Variants in RREB1 observed in about 807,000 individuals in gnomAD.
RREB1 encodes ras-responsive element-binding protein 1.
In RREB1, 27 loss-of-function variants were observed where a neutral mutation model predicts 117.8. The ratio of observed to expected loss-of-function variants is 0.23; its 90% confidence interval spans 0.17 to 0.32. The LOEUF (loss-of-function observed/expected upper bound fraction) is 0.32, where lower values mean the gene tolerates loss of function less well. Among genes scored for constraint, RREB1 ranks in the 10% least tolerant of loss-of-function variants. The pLI, the probability that RREB1 is intolerant of heterozygous loss-of-function variation, is 1.00. For missense variants in RREB1, 2,577 were observed against 2,378.2 expected (o/e 1.08, Z -1.74); for synonymous variants, 1,298 against 1,026.7 (o/e 1.26, Z -5.05).
Position 7,230,380 on chromosome 6 carries a change from G to A in RREB1, c.2281G>A (p.Asp761Asn). Residue 761 changes from aspartate (D) to asparagine (N), a missense_variant, in exon 10 of 13, where the codon GAC becomes AAC. By Grantham distance (23) the Asp-to-Asn change is conservative. Transcript: ENST00000379938. The stretch of plus-strand genomic sequence containing the variant: ...CACCGTGTGCCGGCTGTGCGGCGAG[G>A]ACCTCAAGCACTATCGTGCCCTGCG... Reference protein sequence around the residue: ...PDTVCRLCGEDLKHYRALRIH... With the variant: ...PDTVCRLCGENLKHYRALRIH... The A allele has an allele frequency of 6.3e-7, 1 of 1,592,528 alleles. No homozygotes were observed. The highest frequency in any genetic ancestry group is 8.5e-7 in the Non-Finnish European group (1 of 1,174,264).
intron 1 of RREB1, among the ~76,000 whole-genome samples, chr6:7,118,982 G>T (rs1761542401): frequency 6.6e-6 from 1 of 151,604 alleles, no homozygotes; most frequent in Non-Finnish European, 1.5e-5. Flanking sequence ...AACATTTACA[G>T]ATTTTTATTG....
At chr6:7,238,096 G>A (rs1768457333) in intron 10 of RREB1, among the ~76,000 whole-genome samples, 1 of 151,988 alleles carries the variant, frequency 6.6e-6, no homozygotes, top group African/African-American at 2.4e-5. Context: ...TTTCCTCTTG[G>A]CCCAGTTCTT....
At chr6:7,217,870 A>G (rs1766999333) in intron 8 of RREB1, 1 of 152,320 alleles carries the variant, frequency 6.6e-6, no homozygotes, top group South Asian at 2.1e-4. Context: ...AAAGGAGTCA[A>G]CTTCCAGGTG....
intron 1 of RREB1, among the ~76,000 whole-genome samples, chr6:7,169,362 TTA>T (rs1273071045): frequency 1.3e-5 from 2 of 152,216 alleles, no homozygotes; most frequent in African/African-American, 4.8e-5. Context: ...TGCTTCCTTA[TTA>T]GAGCATAGTC....
chr6:7,181,674 C>T (rs1353934495), intron 3 of RREB1, 196 bp from the exon 4 acceptor site: 4 of 610,822 alleles, frequency 6.5e-6, no homozygotes, highest in East Asian at 2.7e-5. Context: ...AAGGTTACTT[C>T]GTCCTTGGTA....
intron 1 of RREB1, among the ~76,000 whole-genome samples, chr6:7,147,524 C>T (rs1413880544): frequency 1.3e-5 from 2 of 152,128 alleles, no homozygotes; most frequent in Admixed American, 1.3e-4. Context: ...ACAAGATGAG[C>T]CCTTTCTTTG....
chr6:7,176,964 T>C (rs566409019), intron 2 of RREB1, among the ~76,000 whole-genome samples, 191 bp downstream of exon 2: 59 of 151,966 alleles, frequency 3.9e-4, no homozygotes, highest in African/African-American at 1.3e-3. Context: ...CACCTATAAT[T>C]CCAGCACTTT....
Position 7,240,574 on chromosome 6 carries a change from G to C in RREB1, c.3945G>C (p.Glu1315Asp), listed in dbSNP as rs1182165137. Residue 1315 changes from glutamate (E) to aspartate (D), a missense_variant, in exon 11 of 13, where the codon GAG becomes GAC. Transcript: ENST00000379938. ...ACGGGCTTATCCCCCAGTCAAAAGA[G>C]AGTGATGTTGGATCCCATGATAGCA... is the stretch of plus-strand genomic sequence containing the variant. ...RRNGLIPQSK[E>D]SDVGSHDSTD... is the part of the protein sequence containing the mutation. The C allele has an allele frequency of 1.2e-6, 2 of 1,613,836 alleles. No homozygotes were observed. The highest frequency in any genetic ancestry group is 2.2e-5 in the East Asian group (1 of 44,878).
At chr6:7,207,786 C>T (rs940189653) in intron 6 of RREB1, among the ~76,000 whole-genome samples, 1 of 152,194 alleles carries the variant, frequency 6.6e-6, no homozygotes, top group Non-Finnish European at 1.5e-5. Context: ...ATTACAGAAA[C>T]GCAGTAGTCC....
intron 11 of RREB1, among the ~76,000 whole-genome samples, chr6:7,245,745 T>C (rs898756797): frequency 6.6e-6 from 1 of 152,144 alleles, no homozygotes; most frequent in African/African-American, 2.4e-5. Flanking sequence ...CCCCTCACTG[T>C]GTGCTGTTGC....
At chr6:7,183,145 G>C (rs1337373853) in intron 4 of RREB1, 1 of 152,194 alleles carries the variant, frequency 6.6e-6, no homozygotes, top group Non-Finnish European at 1.5e-5. Flanking sequence ...CCTTGCTGAA[G>C]GATGGGGACT....
At chr6:7,241,093 T>C (rs980491054) in intron 11 of RREB1, among the ~76,000 whole-genome samples, 4 of 152,126 alleles carry the variant, frequency 2.6e-5, no homozygotes, top group Non-Finnish European at 4.4e-5. Flanking sequence ...AATAACTCTC[T>C]TCCCGGTGTA....
Position 7,189,346 on chromosome 6 carries a change from G to A in RREB1, c.425+24G>A, listed in dbSNP as rs371628259. 6.5e-6 allele frequency: 10 copies of A among 1,547,308 alleles called. No homozygotes were observed. The African/African-American group carries it at 8.2e-5, about 13-fold the overall frequency. On this transcript the variant is annotated intron_variant, in intron 6 of 12. Coordinates refer to ENST00000379938, the MANE Select transcript of RREB1 (RefSeq NM_001003699.4). The stretch of plus-strand genomic sequence containing the variant: ...AGGTGGGTGAGGGCGCCCTTTGCTT[G>A]GGGGGTTGGCTGGTACTTGGAGGTT...
chr6:7,228,979 C>T lies in RREB1; in HGVS notation c.898-18C>T, dbSNP rs773269265. 1.4e-6 allele frequency: 2 copies of T among 1,479,822 alleles called. No homozygotes were observed. Among genetic ancestry groups the T allele is most frequent in the South Asian group, 3.0e-5 (2 of 66,966 alleles). The allele number at this position is 1,479,822 out of a possible 1,614,324, so 91.7% of individuals were successfully genotyped here. ...CTTCACATGTGTTCCCTTGCTTTTA[C>T]CGGTGGGTTCTATATAGGCCTGGTG... On this transcript the variant is annotated intron_variant, in intron 9 of 12. Coordinates refer to ENST00000379938, the MANE Select transcript of RREB1 (RefSeq NM_001003699.4).
intron 6 of RREB1, among the ~76,000 whole-genome samples, chr6:7,190,226 C>A (rs948492484): frequency 1.3e-5 from 2 of 152,188 alleles, no homozygotes; most frequent in Non-Finnish European, 2.9e-5. Context: ...AATTTTCTAT[C>A]CTCAAGCAAG....
rs4053178 is a variant in RREB1 at position 7,249,062 on chromosome 6, T to TGAGAGAGAGAGAGAGAGAGA, written c.*117_*136dup. 1.8e-5 allele frequency: 10 copies of TGAGAGAGAGAGAGAGAGAGA among 568,322 alleles called. No homozygotes were observed. The highest frequency in any genetic ancestry group is 1.5e-4 in the East Asian group (5 of 32,690). The allele number at this position is 568,322 out of a possible 1,614,324, so 35.2% of individuals were successfully genotyped here. ...TCAGTGCCCTTTGGCTGTTGAGGAG[T>TGAGAGAGAGAGAGAGAGAGA]GAGAGAGAGAGAGAGAGAGAGAGAG... On this transcript the variant is annotated 3_prime_UTR_variant, in exon 13 of 13. Transcript: ENST00000379938.
chr6:7,144,907 T>C (rs1407746838), intron 1 of RREB1, among the ~76,000 whole-genome samples: 1 of 152,226 alleles, frequency 6.6e-6, no homozygotes, highest in Non-Finnish European at 1.5e-5. Flanking sequence ...ATATATTTAT[T>C]TGTTGTCCTT....
At chr6:7,125,320 C>A (rs1021246406) in intron 1 of RREB1, among the ~76,000 whole-genome samples, 6 of 152,170 alleles carry the variant, frequency 3.9e-5, no homozygotes, top group African/African-American at 1.2e-4. Context: ...GGAATTGTCA[C>A]CCTGTTCCCC....
intron 10 of RREB1, among the ~76,000 whole-genome samples, chr6:7,238,621 A>G (rs1367731675): frequency 6.6e-6 from 1 of 152,100 alleles, no homozygotes; most frequent in Non-Finnish European, 1.5e-5. Flanking sequence ...TGGATGTTTT[A>G]AAAATAAATT....
Sources: gnomAD v4.1 joint callset for allele counts (sites outside exome capture counted in the v4.1 genomes callset) on GRCh38, gnomAD v4.1.1 for gene constraint, MANE v1.5 for transcripts, NCBI Gene and HGNC (gene_info 2026-07-23, HGNC 2026-07-21) for gene names.